Variants in RNF175 observed in about 807,000 individuals in gnomAD.
The protein encoded by RNF175 is ring finger protein 175.
Under a neutral mutation model 50.0 loss-of-function variants are expected in RNF175, and 38 were observed. That is an observed-to-expected ratio of 0.76 (90% confidence interval 0.59 to 1.00). The LOEUF (loss-of-function observed/expected upper bound fraction) is 1.00. Ranked by LOEUF, RNF175 falls within the 50% of genes least tolerant of loss-of-function variation. The probability of loss-of-function intolerance (pLI) is 0.00; values close to 1 mark genes in which losing one functional copy is unlikely to be tolerated. For missense variants in RNF175, 388 were observed against 409.6 expected, an observed-to-expected ratio of 0.95 and a Z score of 0.46; for synonymous variants, 155 against 146.1, an observed-to-expected ratio of 1.06 and a Z score of -0.44.
chr4:153,743,392 G>A (rs1739787216), intron 3 of RNF175, among the ~76,000 whole-genome samples: 1 of 152,108 alleles, frequency 6.6e-6, no homozygotes. Context: ...CAGGGGGATG[G>A]GGCTACTCAA....
chr4:153,719,737 A>C, intron 6 of RNF175, among the ~76,000 whole-genome samples: 1 of 152,238 alleles, frequency 6.6e-6, no homozygotes, highest in East Asian at 1.9e-4. Flanking sequence ...TGGTATTTAT[A>C]ATAAGTATTA....
At chr4:153,724,937 G>A (rs1192367470) in intron 4 of RNF175, among the ~76,000 whole-genome samples, 1 of 147,056 alleles carries the variant, frequency 6.8e-6, no homozygotes, top group Non-Finnish European at 1.5e-5. Context: ...GGTGAGCTAC[G>A]TGGGGGAGTG....
intron 1 of RNF175, among the ~76,000 whole-genome samples, chr4:153,756,347 T>C (rs1359275251): frequency 6.6e-6 from 1 of 152,180 alleles, no homozygotes; most frequent in African/African-American, 2.4e-5. Flanking sequence ...CTCTCAGATA[T>C]GTGAATTAAC....
intron 4 of RNF175, among the ~76,000 whole-genome samples, chr4:153,725,244 C>T (rs574048250): frequency 1.3e-5 from 2 of 152,220 alleles, no homozygotes; most frequent in South Asian, 4.1e-4. Context: ...AGGCTTTTGG[C>T]GTCTTTCTGC....
intron 6 of RNF175, among the ~76,000 whole-genome samples, chr4:153,719,484 T>G (rs1388312001): frequency 6.6e-6 from 1 of 152,166 alleles, no homozygotes; most frequent in Non-Finnish European, 1.5e-5. Flanking sequence ...CCTAGAGCCT[T>G]TAGTTTGTAA....
intron 4 of RNF175, among the ~76,000 whole-genome samples, chr4:153,726,665 A>T (rs1431963274): frequency 6.6e-6 from 1 of 152,110 alleles, no homozygotes; most frequent in East Asian, 1.9e-4. Context: ...TTAAAATGTG[A>T]CTCACCTGTA....
chr4:153,743,730 C>A (rs1739813337), intron 3 of RNF175, among the ~76,000 whole-genome samples: 1 of 152,138 alleles, frequency 6.6e-6, no homozygotes, highest in African/African-American at 2.4e-5. Flanking sequence ...ATAGACATAG[C>A]AAACTTAGAG....
intron 8 of RNF175, among the ~76,000 whole-genome samples, chr4:153,712,002 T>A (rs1327498047): frequency 6.6e-6 from 1 of 152,224 alleles, no homozygotes; most frequent in East Asian, 1.9e-4. Context: ...AAATACCTAC[T>A]CATTTCTGGG....
intron 8 of RNF175, 69 bp downstream of exon 8, chr4:153,712,406 T>G (rs1470966363): frequency 9.6e-7 from 1 of 1,043,742 alleles, no homozygotes; most frequent in East Asian, 2.6e-5. Flanking sequence ...ACTGAAACTT[T>G]TCATTGAAGA....
At chr4:153,719,976 T>C (rs1738228230) in intron 6 of RNF175, among the ~76,000 whole-genome samples, 1 of 152,258 alleles carries the variant, frequency 6.6e-6, no homozygotes, top group African/African-American at 2.4e-5. Context: ...ATAAGACATG[T>C]ATTTTCCAAT....
At chr4:153,718,209 G>GT (rs1238895381) in intron 6 of RNF175, among the ~76,000 whole-genome samples, 10 of 92,590 alleles carry the variant, frequency 1.1e-4, no homozygotes, top group Non-Finnish European at 1.4e-4. Context: ...TTCCTAAGGA[G>GT]TTTTTTTTGT....
In RNF175 at chr4:153,710,209, G is replaced by A. The variant is rs1737468271; in HGVS notation, c.*160C>T. The A allele has an allele frequency of 3.6e-6, 2 of 551,398 alleles. No homozygotes were observed. Among genetic ancestry groups the A allele is most frequent in the East Asian group, 3.0e-5 (1 of 33,552 alleles). 34.2% of individuals were successfully genotyped at this position (551,398 alleles called of 1,614,324 possible). A position where few individuals can be genotyped will look rare whatever the true frequency, so the allele number is the denominator to read the frequency against. On this transcript the variant is annotated 3_prime_UTR_variant, in exon 9 of 9. Coordinates refer to ENST00000347063, the MANE Select transcript of RNF175 (RefSeq NM_173662.4). Reference sequence around the variant, plus strand: ...CTTTATTTGTTTATTCCATTGTTCAGCTTCTCTTTAAATTCTTTCCACATG... The same window carrying A: ...CTTTATTTGTTTATTCCATTGTTCAACTTCTCTTTAAATTCTTTCCACATG...
intron 3 of RNF175, among the ~76,000 whole-genome samples, chr4:153,742,948 T>C (rs1739756121): frequency 6.6e-6 from 1 of 152,082 alleles, no homozygotes; most frequent in Non-Finnish European, 1.5e-5. Flanking sequence ...ATGTTGTGAA[T>C]CTTATAAACA....
At chr4:153,740,776 C>G (rs1044897581) in intron 3 of RNF175, among the ~76,000 whole-genome samples, 1 of 152,170 alleles carries the variant, frequency 6.6e-6, no homozygotes, top group African/African-American at 2.4e-5. Context: ...CTCCTTCTAG[C>G]ATGACTTGTA....
Position 153,715,664 on chromosome 4 carries a change from T to C in RNF175, c.631-2A>G. 6.2e-7 allele frequency: 1 copy of C among 1,613,376 alleles called. No homozygotes were observed. The stretch of plus-strand genomic sequence containing the variant: ...AGGCAACCGGCTGACACTGTAGAAC[T>C]ATCAGAGGAAATGGACAGAGCACAG... On this transcript the variant is annotated splice_acceptor_variant, in intron 6 of 8. Transcript: ENST00000347063. LOFTEE classifies it high-confidence loss of function.
intron 4 of RNF175, among the ~76,000 whole-genome samples, chr4:153,724,003 C>A (rs1738512926): frequency 2.6e-5 from 4 of 152,210 alleles, no homozygotes; most frequent in Admixed American, 2.6e-4. Context: ...AAGAGCCCTC[C>A]CCTAGCCCAG....
At chr4:153,723,805 A>C (rs1738501638) in intron 4 of RNF175, among the ~76,000 whole-genome samples, 1 of 152,120 alleles carries the variant, frequency 6.6e-6, no homozygotes, top group Non-Finnish European at 1.5e-5. Flanking sequence ...CCTAGGGTTA[A>C]CCTTGAGTGG....
chr4:153,748,927 G>A (rs1038894114), intron 2 of RNF175, 141 bp from the exon 3 acceptor site: 5 of 733,130 alleles, frequency 6.8e-6, no homozygotes, highest in Non-Finnish European at 1.1e-5. Context: ...ATAAGGGTTG[G>A]TAAGCTTTGA....
intron 3 of RNF175, among the ~76,000 whole-genome samples, chr4:153,731,506 G>A (rs1362890827): frequency 6.6e-6 from 1 of 152,168 alleles, no homozygotes; most frequent in Non-Finnish European, 1.5e-5. Context: ...TGAATCAGAT[G>A]CTGCCCAAAA....
Sources: allele counts gnomAD v4.1 joint callset (sites outside exome capture counted in the v4.1 genomes callset), GRCh38; gene constraint gnomAD v4.1.1; transcripts MANE v1.5; gene names NCBI Gene and HGNC (gene_info 2026-07-23, HGNC 2026-07-21).